Variants in ALMS1 observed in about 807,000 individuals in gnomAD.
ALMS1 encodes the protein centrosome-associated protein ALMS1.
Under a neutral mutation model 352.2 loss-of-function variants are expected in ALMS1, and 271 were observed. The observed-to-expected ratio is 0.77, with a 90% CI of 0.70 to 0.85. The LOEUF (loss-of-function observed/expected upper bound fraction) is 0.85, where lower values mean the gene tolerates loss of function less well. ALMS1 is among the 40% of genes least tolerant of loss of function. The probability of loss-of-function intolerance (pLI) is 0.00; values close to 1 mark genes in which losing one functional copy is unlikely to be tolerated. For missense variants in ALMS1, 5,445 were observed against 4,870.7 expected (o/e 1.12, Z -3.51); for synonymous variants, 1,865 against 1,761.2 (o/e 1.06, Z -1.48).
chr2:73,554,690 C>G (rs773393570), intron 13 of ALMS1, among the ~76,000 whole-genome samples: 2 of 151,930 alleles, frequency 1.3e-5, no homozygotes, highest in African/African-American at 4.8e-5. Flanking sequence ...TCCAGCCTGT[C>G]GTATTTAAAA....
intron 1 of ALMS1, 50 bp downstream of exon 1, chr2:73,386,242 G>C: frequency 6.9e-7 from 1 of 1,446,886 alleles, no homozygotes; most frequent in Non-Finnish European, 9.1e-7. Flanking sequence ...TGGGGGTGGA[G>C]GCTGGGCCCC....
At chr2:73,605,103 C>T (rs1315504376) in intron 21 of ALMS1, among the ~76,000 whole-genome samples, 3 of 152,138 alleles carry the variant, frequency 2.0e-5, no homozygotes, top group South Asian at 4.1e-4. Flanking sequence ...GAGTAACTGA[C>T]AGAAAACCAA....
rs1169102611 is a variant in ALMS1, at chr2:73,491,087, C to T, written c.9128C>T (p.Ala3043Val). ...SASTPPSNRK[A>V]LSCVHITLCP... is the part of the protein sequence containing the mutation. ...TCTACTCCTCCTTCAAATAGAAAAG[C>T]ACTTTCTTGTGTTCATATAACTCTT... Residue 3043 changes from alanine (A) to valine (V), a missense_variant, in exon 10 of 23, where the codon GCA becomes GTA. Ala to Val is a moderately conservative substitution (Grantham distance 64, BLOSUM62 0). Coordinates refer to ENST00000613296, the MANE Select transcript of ALMS1 (RefSeq NM_001378454.1). 2 of 1,614,056 alleles carry T rather than the reference C, an allele frequency of 1.2e-6. No individual in the cohort carries two copies. The highest frequency in any genetic ancestry group is 2.7e-5 in the African/African-American group (2 of 74,942).
chr2:73,554,522 G>A (rs745569468), intron 13 of ALMS1, among the ~76,000 whole-genome samples: 13 of 151,646 alleles, frequency 8.6e-5, no homozygotes, highest in South Asian at 8.3e-4. Flanking sequence ...TGGCTAACAC[G>A]GTGAAACCCC....
chr2:73,497,404 G>A (rs1285312694), intron 10 of ALMS1, among the ~76,000 whole-genome samples: 1 of 152,016 alleles, frequency 6.6e-6, no homozygotes, highest in African/African-American at 2.4e-5. Flanking sequence ...CACCCGAGTA[G>A]TATGCACACC....
chr2:73,440,546 C>T (rs1308723598), intron 7 of ALMS1, among the ~76,000 whole-genome samples: 1 of 151,882 alleles, frequency 6.6e-6, no homozygotes, highest in Non-Finnish European at 1.5e-5. Context: ...GTCTCAGCCT[C>T]CTGAGTAGCT....
At chr2:73,538,761 C>T (rs1340059512) in intron 12 of ALMS1, among the ~76,000 whole-genome samples, 1 of 152,202 alleles carries the variant, frequency 6.6e-6, no homozygotes. Context: ...TCGGAGGATC[C>T]TACGCCCACG....
rs1429513091 is a variant in ALMS1, at chr2:73,557,214, T to C, written c.10079-6T>C. ...TTTCTGAAATCAAATGATGTCGTTA[T>C]TCCAGATGCCTCAGTTCAAGTGCTA... On this transcript the variant is annotated splice_region_variant and splice_polypyrimidine_tract_variant and intron_variant, in intron 13 of 22. Coordinates refer to ENST00000613296, the MANE Select transcript of ALMS1 (RefSeq NM_001378454.1). 2 of 1,613,992 alleles carry C rather than the reference T, an allele frequency of 1.2e-6. No individual in the cohort carries two copies. Among genetic ancestry groups the C allele is most frequent in the Non-Finnish European group, 1.7e-6 (2 of 1,179,998 alleles).
chr2:73,550,724 T>A (rs1674412265), intron 13 of ALMS1, among the ~76,000 whole-genome samples: 1 of 152,204 alleles, frequency 6.6e-6, no homozygotes, highest in Admixed American at 6.5e-5. Flanking sequence ...ATGTTTTAGA[T>A]ACTAAGATCC....
chr2:73,516,386 A>T (rs768411316), intron 10 of ALMS1, among the ~76,000 whole-genome samples: 5 of 152,206 alleles, frequency 3.3e-5, no homozygotes, highest in Non-Finnish European at 7.4e-5. Flanking sequence ...AAAACTGTGG[A>T]GATTCCTTAA....
At chr2:73,492,932 T>C in intron 10 of ALMS1, among the ~76,000 whole-genome samples, 1 of 151,756 alleles carries the variant, frequency 6.6e-6, no homozygotes, top group East Asian at 1.9e-4. Context: ...GAGACGAGGT[T>C]TTGCCATGTT....
chr2:73,395,078 A>ATT lies in ALMS1; in HGVS notation c.324+8906_324+8907dup, dbSNP rs1163258474. 4.8e-4 allele frequency among the ~76,000 whole-genome samples: 49 copies of ATT among 101,322 alleles called. 4 individuals are homozygous for ATT. Among genetic ancestry groups the ATT allele is most frequent in the Middle Eastern group, 6.2e-3 (1 of 162 alleles). The allele number at this position is 101,322 out of a possible 152,430, so 66.5% of individuals were successfully genotyped here. On this transcript the variant is annotated intron_variant, in intron 1 of 22. Coordinates refer to ENST00000613296, the MANE Select transcript of ALMS1 (RefSeq NM_001378454.1). ...TATATGTGTATATATATATATATATATTTTTTTTTTTTTTTTTTTTTGAGA... is the reference window on the plus strand; with the variant it reads ...TATATGTGTATATATATATATATATATTTTTTTTTTTTTTTTTTTTTTTGAGA...
chr2:73,404,292 G>A (rs1444450886), intron 1 of ALMS1, among the ~76,000 whole-genome samples: 7 of 152,132 alleles, frequency 4.6e-5, no homozygotes, highest in Admixed American at 1.3e-4. Flanking sequence ...TTGCCTAATC[G>A]CTTTAGTAGG....
At chr2:73,601,492 C>T (rs1442512700) in intron 19 of ALMS1, 56 bp downstream of exon 19, 22 of 1,591,278 alleles carry the variant, frequency 1.4e-5, no homozygotes, top group East Asian at 2.3e-5. Context: ...AAGGGCAAGG[C>T]GCAGAGAAGC....
intron 9 of ALMS1, among the ~76,000 whole-genome samples, chr2:73,486,791 G>A (rs146042964): frequency 3.2e-4 from 49 of 152,294 alleles, no homozygotes; most frequent in African/African-American, 1.1e-3. Context: ...GCTCATGCCT[G>A]TAATCCCAGC....
rs1190737675 is a variant in ALMS1 at position 73,408,630 on chromosome 2, A to G, written c.333A>G (p.Pro111=). ...GERTSLEKIV[P]LTCHVWQQIV... ...CTGCTTTTGATTTTCAGATTGTTCC[A>G]TTGACCTGTCATGTATGGCAACAGA... Residue 111 remains proline, a synonymous_variant, in exon 2 of 23, where the codon CCA becomes CCG. Coordinates refer to ENST00000613296, the MANE Select transcript of ALMS1 (RefSeq NM_001378454.1). 21 of 1,613,074 alleles carry G rather than the reference A, an allele frequency of 1.3e-5. No individual in the cohort carries two copies. Among genetic ancestry groups the G allele is most frequent in the Admixed American group, 1.7e-5 (1 of 59,932 alleles).
chr2:73,481,124 T>A (rs1227838957), intron 9 of ALMS1, among the ~76,000 whole-genome samples: 1 of 152,200 alleles, frequency 6.6e-6, no homozygotes, highest in Non-Finnish European at 1.5e-5. Context: ...CCATTGCTTT[T>A]GGTGTTTTAG....
intron 16 of ALMS1, among the ~76,000 whole-genome samples, chr2:73,592,834 C>T (rs913302356): frequency 2.6e-5 from 4 of 152,128 alleles, no homozygotes; most frequent in African/African-American, 9.7e-5. Context: ...AAGAGTACTA[C>T]AAAAACCCTG....
rs1355806972 is a variant in ALMS1 at position 73,483,359 on chromosome 2, C to G, written c.7675-6275C>G. ...AGTAGTCATTCAGGAGCAGGTTGTT[C>G]AGTTTCCATGTAGTTGAGCGGTTTT... On this transcript the variant is annotated intron_variant, in intron 9 of 22. Transcript: ENST00000613296. 2.6e-5 allele frequency among the ~76,000 whole-genome samples: 4 copies of G among 151,460 alleles called. No homozygotes were observed. The East Asian group carries it at 7.7e-4, about 29-fold the overall frequency.
Sources: gnomAD v4.1 joint callset for allele counts (sites outside exome capture counted in the v4.1 genomes callset) on GRCh38, gnomAD v4.1.1 for gene constraint, MANE v1.5 for transcripts, NCBI Gene and HGNC (gene_info 2026-07-23, HGNC 2026-07-21) for gene names.